The following POU2F1 variants were observed in gnomAD, a reference collection of about 807,000 sequenced individuals.
The protein encoded by POU2F1 is POU domain, class 2, transcription factor 1.
Under a neutral mutation model 84.9 loss-of-function variants are expected in POU2F1, and 16 were observed. The ratio of observed to expected loss-of-function variants is 0.19; its 90% CI spans 0.13 to 0.29. The LOEUF (loss-of-function observed/expected upper bound fraction) is 0.29. Ranked by LOEUF, POU2F1 falls within the 10% of genes least tolerant of loss-of-function variation. The pLI is 1.00. For missense variants in POU2F1, 738 were observed against 942.6 expected, an observed-to-expected ratio of 0.78 and a Z score of 2.84; for synonymous variants, 368 against 368.3, an observed-to-expected ratio of 1.00 and a Z score of 0.01.
At chr1:167,323,420 G>A (rs1468482021) in intron 1 of POU2F1, among the ~76,000 whole-genome samples, 2 of 152,334 alleles carry the variant, frequency 1.3e-5, no homozygotes, top group African/African-American at 2.4e-5. Context: ...CTGTAAAAAT[G>A]TAATATAGCA....
intron 13 of POU2F1, among the ~76,000 whole-genome samples, chr1:167,406,928 A>G (rs899695157): frequency 5.9e-5 from 9 of 152,020 alleles, no homozygotes; most frequent in Admixed American, 2.0e-4. Context: ...TTAAGATGAC[A>G]GTTTTTCTCC....
intron 1 of POU2F1, among the ~76,000 whole-genome samples, chr1:167,240,644 A>G (rs1183127232): frequency 2.0e-5 from 3 of 152,142 alleles, no homozygotes; most frequent in Non-Finnish European, 4.4e-5. Flanking sequence ...ATAACTGAAA[A>G]TCTACTATTG....
At chr1:167,286,053 G>A (rs986172120) in intron 1 of POU2F1, among the ~76,000 whole-genome samples, 24 of 152,216 alleles carry the variant, frequency 1.6e-4, no homozygotes, top group African/African-American at 5.8e-4. Flanking sequence ...GAAGATTATG[G>A]CCAAATAATA....
At chr1:167,241,634 T>C (rs1390156612) in intron 1 of POU2F1, 2 of 152,120 alleles carry the variant, frequency 1.3e-5, no homozygotes, top group African/African-American at 2.4e-5. Flanking sequence ...TTTTTATTAC[T>C]GTACTTGCTT....
chr1:167,243,294 A>G (rs1336968765), intron 1 of POU2F1, among the ~76,000 whole-genome samples: 5 of 152,230 alleles, frequency 3.3e-5, no homozygotes, highest in Admixed American at 6.5e-5. Flanking sequence ...TGAGAAGTTA[A>G]CTGTAAAAGC....
chr1:167,316,450 T>C (rs60110586), intron 1 of POU2F1, among the ~76,000 whole-genome samples: 13,220 of 152,228 alleles, frequency 0.087, 1,812 homozygotes, highest in African/African-American at 0.3. Flanking sequence ...GCCATAGCTT[T>C]TGAATAGTTT....
intron 12 of POU2F1, among the ~76,000 whole-genome samples, chr1:167,400,447 A>C (rs1239986296): frequency 1.3e-5 from 2 of 152,142 alleles, no homozygotes; most frequent in African/African-American, 4.8e-5. Flanking sequence ...GTTACTTTTT[A>C]TTCATGTTGA....
At chr1:167,307,372 A>G (rs1655142726) in intron 1 of POU2F1, among the ~76,000 whole-genome samples, 1 of 152,024 alleles carries the variant, frequency 6.6e-6, no homozygotes, top group East Asian at 1.9e-4. Flanking sequence ...TGTACATTTC[A>G]TATTTATGTA....
chr1:167,397,910 C>A, intron 10 of POU2F1, 84 bp from the exon 11 acceptor site: 1 of 1,357,908 alleles, frequency 7.4e-7, no homozygotes. Context: ...CTTATTTTGT[C>A]AGTTTTGTTG....
chr1:167,391,885 T>C (rs1648439264), intron 9 of POU2F1, among the ~76,000 whole-genome samples: 1 of 152,134 alleles, frequency 6.6e-6, no homozygotes, highest in Non-Finnish European at 1.5e-5. Flanking sequence ...TGGGAATTCA[T>C]TTTTGCTCAA....
intron 1 of POU2F1, among the ~76,000 whole-genome samples, chr1:167,317,036 C>T (rs187396879): frequency 1.3e-5 from 2 of 152,208 alleles, no homozygotes; most frequent in East Asian, 1.9e-4. Flanking sequence ...GGACTATAGG[C>T]GTGCACCACC....
intron 1 of POU2F1, among the ~76,000 whole-genome samples, chr1:167,268,821 A>G (rs1652164578): frequency 6.6e-6 from 1 of 152,226 alleles, no homozygotes; most frequent in African/African-American, 2.4e-5. Flanking sequence ...GCTGCAACCC[A>G]GGAATCCAGG....
At chr1:167,363,579 AAAAAAAT>A (rs1392710439) in intron 2 of POU2F1, among the ~76,000 whole-genome samples, 1 of 152,198 alleles carries the variant, frequency 6.6e-6, no homozygotes, top group Non-Finnish European at 1.5e-5. Flanking sequence ...CTCGTTGTGG[AAAAAAAT>A]AAAAAATAAA....
intron 9 of POU2F1, among the ~76,000 whole-genome samples, chr1:167,393,119 C>T: frequency 6.6e-6 from 1 of 151,980 alleles, no homozygotes; most frequent in East Asian, 1.9e-4. Context: ...GTTTTTGTTC[C>T]TTTTTTGTTA....
intron 2 of POU2F1, among the ~76,000 whole-genome samples, chr1:167,340,509 G>A (rs1375424212): frequency 2.1e-5 from 3 of 141,558 alleles, no homozygotes; most frequent in Admixed American, 1.5e-4. Context: ...TCGGCTCACT[G>A]CAACCTCCAC....
At chr1:167,399,501 T>G (rs1173292456) in intron 12 of POU2F1, 136 bp downstream of exon 12, 1 of 797,644 alleles carries the variant, frequency 1.3e-6, no homozygotes, top group Non-Finnish European at 1.9e-6. Context: ...AATTTGTATT[T>G]TAGACATTAC....
chr1:167,347,274 A>G lies in POU2F1; in HGVS notation c.127+14739A>G, dbSNP rs3753919. 2.2e-3 allele frequency among the ~76,000 whole-genome samples: 339 copies of G among 152,358 alleles called. 11 individuals are homozygous for G. The East Asian group carries it at 0.058, about 26-fold the overall frequency. Reference sequence around the variant, plus strand: ...TTTTCATTACACATTAACATGTAGTATAGTACTATCTCAAATATAACTGCT... The same window carrying G: ...TTTTCATTACACATTAACATGTAGTGTAGTACTATCTCAAATATAACTGCT... On this transcript the variant is annotated intron_variant, in intron 2 of 15. Coordinates refer to ENST00000367866, the MANE Select transcript of POU2F1 (RefSeq NM_002697.4).
At chr1:167,393,441 A>G (rs989920454) in intron 9 of POU2F1, among the ~76,000 whole-genome samples, 13 of 152,284 alleles carry the variant, frequency 8.5e-5, no homozygotes, top group African/African-American at 3.1e-4. Context: ...CCACCACCTT[A>G]AAGTATCATT....
intron 1 of POU2F1, among the ~76,000 whole-genome samples, chr1:167,281,165 G>A (rs112331060): frequency 3.3e-5 from 5 of 152,322 alleles, no homozygotes; most frequent in African/African-American, 1.2e-4. Context: ...AACTTAAAAT[G>A]TACATAATGT....
Sources: allele counts gnomAD v4.1 joint callset (sites outside exome capture counted in the v4.1 genomes callset), GRCh38; gene constraint gnomAD v4.1.1; transcripts MANE v1.5; gene names NCBI Gene and HGNC (gene_info 2026-07-23, HGNC 2026-07-21).